The following TMEM132C variants were observed in gnomAD, a reference collection of about 807,000 sequenced individuals.
TMEM132C encodes transmembrane protein 132C.
Under a neutral mutation model 61.4 loss-of-function variants are expected in TMEM132C, and 29 were observed. The observed-to-expected ratio is 0.47, with a 90% CI of 0.35 to 0.64. TMEM132C has a LOEUF of 0.64. Among genes scored for constraint, TMEM132C ranks in the 30% least tolerant of loss-of-function variants. The probability of loss-of-function intolerance (pLI) is 0.00; values close to 1 mark genes in which losing one functional copy is unlikely to be tolerated. For missense variants in TMEM132C, 1,408 were observed against 1,476.9 expected (o/e 0.95, Z 0.76); for synonymous variants, 656 against 633.1 (o/e 1.04, Z -0.54).
chr12:128,492,909 C>T (rs1871794687), intron 2 of TMEM132C, among the ~76,000 whole-genome samples: 2 of 152,168 alleles, frequency 1.3e-5, no homozygotes, highest in African/African-American at 4.8e-5. Context: ...GGTGTTTAGT[C>T]ATGAAGTCCT....
intron 2 of TMEM132C, among the ~76,000 whole-genome samples, chr12:128,531,840 AC>A (rs1873320387): frequency 6.6e-6 from 1 of 150,420 alleles, no homozygotes; most frequent in Admixed American, 6.6e-5. Context: ...TGCCCCCCTC[AC>A]CCCACTGGCA....
intron 1 of TMEM132C, among the ~76,000 whole-genome samples, chr12:128,298,204 C>T (rs575905748): frequency 2.0e-5 from 3 of 152,268 alleles, no homozygotes; most frequent in African/African-American, 7.2e-5. Flanking sequence ...GACCCCAGTG[C>T]GGCTCCCATT....
rs1320075180 is a variant in TMEM132C, at chr12:128,282,316, G to A, written c.85+14829G>A. 2.6e-5 allele frequency among the ~76,000 whole-genome samples: 4 copies of A among 152,268 alleles called. No homozygotes were observed. The East Asian group carries it at 7.7e-4, about 29-fold the overall frequency. On this transcript the variant is annotated intron_variant, in intron 1 of 8. Coordinates refer to ENST00000435159, the MANE Select transcript of TMEM132C (RefSeq NM_001136103.3). ...TTGCTATAAAGAATTCCCCTGAGAC[G>A]GGGTAATTTATAAAGGAAAGAGGTT...
chr12:128,343,153 C>T (rs1416283897), intron 1 of TMEM132C, among the ~76,000 whole-genome samples: 2 of 152,008 alleles, frequency 1.3e-5, no homozygotes, highest in Non-Finnish European at 2.9e-5. Context: ...TGGCCAGGTG[C>T]GATGGCTCAT....
Position 128,689,221 on chromosome 12 carries a change from G to A in TMEM132C, c.1450-4608G>A, listed in dbSNP as rs1458732141. Among the ~76,000 whole-genome samples, 5 of 152,030 alleles carry A rather than the reference G, an allele frequency of 3.3e-5. 1 individual carries two copies. Among genetic ancestry groups the A allele is most frequent in the South Asian group, 2.1e-4 (1 of 4,824 alleles). On this transcript the variant is annotated intron_variant, in intron 5 of 8. Transcript: ENST00000435159. ...AAGTGATATAATGTATGAATATAAT[G>A]TATTCTTTATACAGTGATTAAGTCA...
intron 3 of TMEM132C, among the ~76,000 whole-genome samples, chr12:128,554,555 A>G (rs1022252184): frequency 2.6e-5 from 4 of 152,238 alleles, no homozygotes; most frequent in Non-Finnish European, 4.4e-5. Flanking sequence ...ATCATGTGCA[A>G]AAGTGGCCTG....
chr12:128,669,379 A>G, intron 4 of TMEM132C, 38 bp from the exon 5 acceptor site: 5 of 1,548,804 alleles, frequency 3.2e-6, no homozygotes, highest in Non-Finnish European at 4.4e-6. Context: ...AGAATGGAAT[A>G]TCTCCCTTGA....
intron 1 of TMEM132C, among the ~76,000 whole-genome samples, chr12:128,399,781 T>C (rs982481629): frequency 2.6e-5 from 4 of 152,156 alleles, no homozygotes; most frequent in South Asian, 2.1e-4. Context: ...CTAAGACTTT[T>C]TTTTTTTATG....
chr12:128,703,753 CT>C (rs1954818489), intron 8 of TMEM132C, among the ~76,000 whole-genome samples: 1 of 152,196 alleles, frequency 6.6e-6, no homozygotes, highest in Middle Eastern at 3.2e-3. Context: ...GAGCACAGTT[CT>C]TAACCTCTCT....
rs185227265 is a variant in TMEM132C, at chr12:128,657,822, T to C, written c.1306-11595T>C. ...GGTGAATCAGGACATTCAAATAGTG[T>C]CACAGTTTGTGGGCTCTGTTTCCTG... On this transcript the variant is annotated intron_variant, in intron 4 of 8. Transcript: ENST00000435159. 2.5e-3 allele frequency among the ~76,000 whole-genome samples: 383 copies of C among 152,352 alleles called. 2 individuals are homozygous for C. The highest frequency in any genetic ancestry group is 8.6e-3 in the African/African-American group (359 of 41,578).
At chr12:128,614,629 C>T (rs1876738788) in intron 3 of TMEM132C, among the ~76,000 whole-genome samples, 3 of 152,198 alleles carry the variant, frequency 2.0e-5, no homozygotes, top group Admixed American at 2.0e-4. Context: ...CCTTTATTGG[C>T]TTTAATTTTA....
At chr12:128,689,654 G>A (rs1470301021) in intron 5 of TMEM132C, among the ~76,000 whole-genome samples, 1 of 152,130 alleles carries the variant, frequency 6.6e-6, no homozygotes, top group Non-Finnish European at 1.5e-5. Flanking sequence ...GAAGAAGCAG[G>A]TGGATATCCA....
At chr12:128,395,205 GTTCA>G (rs557104947) in intron 1 of TMEM132C, among the ~76,000 whole-genome samples, 94 of 149,956 alleles carry the variant, frequency 6.3e-4, no homozygotes, top group Admixed American at 1.7e-3. Context: ...TAAATATATA[GTTCA>G]TTCATTTTAA....
Position 128,705,681 on chromosome 12 carries a change from G to A in TMEM132C, c.2713G>A (p.Gly905Arg), listed in dbSNP as rs768535689. Residue 905 changes from glycine (G) to arginine (R), a missense_variant, in exon 9 of 9, where the codon GGG (glycine) becomes AGG (arginine). Physicochemically the swap from Gly to Arg is moderately radical, Grantham distance 125. Coordinates refer to ENST00000435159, the MANE Select transcript of TMEM132C (RefSeq NM_001136103.3). The part of the protein sequence containing the change: ...FPAHVDLPKA[G>R]SGLEENDLVQ... ...TGCCCACGTGGACCTCCCCAAGGCCGGGAGTGGGCTGGAGGAAAACGACCT... is the reference window on the plus strand; with the variant it reads ...TGCCCACGTGGACCTCCCCAAGGCCAGGAGTGGGCTGGAGGAAAACGACCT... 1.4e-5 allele frequency: 21 copies of A among 1,551,296 alleles called. No homozygotes were observed. Among genetic ancestry groups the A allele is most frequent in the Admixed American group, 3.9e-5 (2 of 50,990 alleles).
In TMEM132C at chr12:128,322,017, C is replaced by T. The variant is rs139164422; in HGVS notation, c.85+54530C>T. Among the ~76,000 whole-genome samples the T allele has an allele frequency of 8.3e-3, 1,268 of 152,234 alleles. 22 individuals carry two copies. The highest frequency in any genetic ancestry group is 0.029 in the African/African-American group (1,195 of 41,540). On this transcript the variant is annotated intron_variant, in intron 1 of 8. Transcript: ENST00000435159. ...AATGACCATAGTGATATTACCAGACCCACACACTCTCCCAGAATCTTACTA... is the reference window on the plus strand; with the variant it reads ...AATGACCATAGTGATATTACCAGACTCACACACTCTCCCAGAATCTTACTA...
At chr12:128,491,234 G>T (rs542045686) in intron 2 of TMEM132C, among the ~76,000 whole-genome samples, 1 of 152,222 alleles carries the variant, frequency 6.6e-6, no homozygotes, top group East Asian at 1.9e-4. Context: ...GACAAAAAGG[G>T]GTCAGATGAA....
chr12:128,292,380 C>T (rs1439117822), intron 1 of TMEM132C, among the ~76,000 whole-genome samples: 3 of 152,162 alleles, frequency 2.0e-5, no homozygotes, highest in African/African-American at 7.2e-5. Flanking sequence ...TTTTGACAAT[C>T]CCTGCCCAAC....
chr12:128,649,261 C>T (rs1011509052), intron 4 of TMEM132C, among the ~76,000 whole-genome samples: 2 of 152,240 alleles, frequency 1.3e-5, no homozygotes, highest in South Asian at 4.1e-4. Flanking sequence ...CCCCTCCAGC[C>T]AGTGACTCAG....
intron 3 of TMEM132C, among the ~76,000 whole-genome samples, chr12:128,575,689 A>C (rs998252072): frequency 1.3e-5 from 2 of 152,202 alleles, no homozygotes; most frequent in African/African-American, 4.8e-5. Context: ...AACATAATTT[A>C]TTTGTATGTC....
Sources: gnomAD v4.1 joint callset for allele counts (sites outside exome capture counted in the v4.1 genomes callset) on GRCh38, gnomAD v4.1.1 for gene constraint, MANE v1.5 for transcripts, NCBI Gene and HGNC (gene_info 2026-07-23, HGNC 2026-07-21) for gene names.